CFAP54: variants seen among roughly 807,000 people sequenced by gnomAD.
CFAP54 encodes cilia and flagella associated protein 54.
CFAP54 carries 290 observed loss-of-function variants against 370.4 expected under a neutral mutation model. The observed-to-expected ratio is 0.78, with a 90% confidence interval of 0.71 to 0.86. The LOEUF is 0.86. Among genes scored for constraint, CFAP54 ranks in the 40% least tolerant of loss-of-function variants. CFAP54 has a pLI of 0.00. For synonymous variants in CFAP54, 1,206 were observed against 1,236.5 expected, an observed-to-expected ratio of 0.98 and a Z score of 0.52; for missense variants, 3,399 against 3,528.7, an observed-to-expected ratio of 0.96 and a Z score of 0.93.
chr12:96,757,462 C>T, intron 57 of CFAP54, 33 bp from the exon 58 acceptor site: 1 of 1,204,054 alleles, frequency 8.3e-7, no homozygotes, highest in South Asian at 1.4e-5. Flanking sequence ...CATGGTGAAG[C>T]TATTTAATAA....
intron 67 of CFAP54, among the ~76,000 whole-genome samples, chr12:96,864,999 C>G (rs865860731): frequency 6.6e-6 from 1 of 152,062 alleles, no homozygotes; most frequent in Non-Finnish European, 1.5e-5. Context: ...CTTGAACAAG[C>G]CCCTAATGGG....
chr12:96,825,893 A>G (rs1351284887), intron 65 of CFAP54, among the ~76,000 whole-genome samples: 1 of 138,916 alleles, frequency 7.2e-6, no homozygotes, highest in African/African-American at 2.6e-5. Context: ...ATATATTCAT[A>G]TATAACTATA....
intron 51 of CFAP54, among the ~76,000 whole-genome samples, chr12:96,740,771 G>A (rs1273797689): frequency 6.6e-6 from 1 of 152,142 alleles, no homozygotes; most frequent in Admixed American, 6.5e-5. Flanking sequence ...TTAGAATAAT[G>A]ATTGTCAATT....
intron 60 of CFAP54, among the ~76,000 whole-genome samples, chr12:96,784,171 T>G (rs1446354797): frequency 6.6e-6 from 1 of 152,246 alleles, no homozygotes; most frequent in Non-Finnish European, 1.5e-5. Context: ...TTCAGTTTTC[T>G]TAGATCTTGC....
At chr12:96,544,927 T>C (rs1407973234) in intron 14 of CFAP54, among the ~76,000 whole-genome samples, 1 of 151,782 alleles carries the variant, frequency 6.6e-6, no homozygotes, top group Non-Finnish European at 1.5e-5. Flanking sequence ...TTTTTTTCCC[T>C]TTGAGACGGA....
At chr12:96,664,771 CTATATCTATATATATATATA>C (rs1957054507) in intron 39 of CFAP54, among the ~76,000 whole-genome samples, 2 of 69,150 alleles carry the variant, frequency 2.9e-5, no homozygotes, top group Non-Finnish European at 5.6e-5. Context: ...ATATCTATAT[CTATATCTATATATATATATA>C]TATATATATA....
At chr12:96,823,404 G>C (rs1959054879) in intron 65 of CFAP54, among the ~76,000 whole-genome samples, 1 of 152,260 alleles carries the variant, frequency 6.6e-6, no homozygotes, top group Non-Finnish European at 1.5e-5. Context: ...TTCCTTAATA[G>C]TTTGTGAAAC....
At chr12:96,804,258 T>C (rs1254396413) in intron 63 of CFAP54, among the ~76,000 whole-genome samples, 2 of 152,162 alleles carry the variant, frequency 1.3e-5, no homozygotes, top group East Asian at 3.8e-4. Context: ...TCACCATTCT[T>C]ATTTAAGATA....
At chr12:96,859,510 AT>A (rs1959811132) in intron 66 of CFAP54, among the ~76,000 whole-genome samples, 1 of 152,104 alleles carries the variant, frequency 6.6e-6, no homozygotes, top group Admixed American at 6.5e-5. Context: ...GGCTCAAGCA[AT>A]TCTCCTGCCT....
At position 96,594,291 on chromosome 12, in the gene CFAP54, A is replaced by G; in HGVS notation, c.3361A>G (p.Ile1121Val). 6.6e-7 allele frequency: 1 copy of G among 1,506,802 alleles called. No individual in the cohort carries two copies. Among genetic ancestry groups the G allele is most frequent in the South Asian group, 1.3e-5 (1 of 78,892 alleles). The allele number at this position is 1,506,802 out of a possible 1,614,324, so 93.3% of individuals were successfully genotyped here. The change falls in exon 25 of 68, where the codon ATT becomes GTT. Residue 1121 changes from isoleucine (I) to valine (V), a missense_variant and splice_region_variant. Ile to Val is a conservative substitution (Grantham distance 29). Transcript: ENST00000524981. ...KGNEIFPSQQIARLIECERVL... is the reference protein window; with the variant it reads ...KGNEIFPSQQVARLIECERVL... ...AGTAACAATGCCTGTTTCTTTACAGATTGCCAGACTGATTGAATGTGAGAG... is the reference window on the plus strand; with the variant it reads ...AGTAACAATGCCTGTTTCTTTACAGGTTGCCAGACTGATTGAATGTGAGAG...
chr12:96,737,028 G>A (rs1177519023), intron 50 of CFAP54, among the ~76,000 whole-genome samples: 1 of 152,140 alleles, frequency 6.6e-6, no homozygotes, highest in Non-Finnish European at 1.5e-5. Flanking sequence ...TGGAAAATAG[G>A]GATGATAATA....
chr12:96,704,863 C>A, intron 47 of CFAP54, 67 bp downstream of exon 47: 2 of 550,042 alleles, frequency 3.6e-6, no homozygotes, highest in Non-Finnish European at 6.2e-6. Flanking sequence ...TCATTCTAAT[C>A]TATTTGGTTG....
chr12:96,592,536 C>CT lies in CFAP54; in HGVS notation c.3264dup (p.Leu1089SerfsTer2). 9.5e-7 allele frequency: 1 copy of CT among 1,051,100 alleles called. No homozygotes were observed. Among genetic ancestry groups the CT allele is most frequent in the Non-Finnish European group, 1.3e-6 (1 of 745,736 alleles). The allele number at this position is 1,051,100 out of a possible 1,614,324, so 65.1% of individuals were successfully genotyped here. On this transcript the variant is annotated frameshift_variant, in exon 24 of 68. Transcript: ENST00000524981. LOFTEE classifies it high-confidence loss of function. ...AGAGACTTCTTCAATCCTCTTGTAC[C>CT]TTTTTCTTAGAAATATTTTTGTAAC...
At chr12:96,857,301 C>A (rs1425627735) in intron 66 of CFAP54, among the ~76,000 whole-genome samples, 4 of 152,136 alleles carry the variant, frequency 2.6e-5, no homozygotes, top group African/African-American at 9.7e-5. Flanking sequence ...CACCTTCTAC[C>A]CTCAAGTAGA....
intron 25 of CFAP54, among the ~76,000 whole-genome samples, chr12:96,594,695 A>G (rs1238560168): frequency 6.6e-6 from 1 of 152,120 alleles, no homozygotes; most frequent in Non-Finnish European, 1.5e-5. Flanking sequence ...AATATTGGCA[A>G]TTTACCTTTC....
intron 60 of CFAP54, among the ~76,000 whole-genome samples, chr12:96,783,863 G>T (rs1958603659): frequency 6.6e-6 from 1 of 152,064 alleles, no homozygotes; most frequent in African/African-American, 2.4e-5. Flanking sequence ...TCCAGCCTGG[G>T]CAACAAAAGC....
intron 5 of CFAP54, among the ~76,000 whole-genome samples, chr12:96,515,912 G>GTTTTTTTT (rs71437221): frequency 2.4e-4 from 26 of 108,252 alleles, no homozygotes; most frequent in African/African-American, 5.2e-4. Context: ...TTACCTCTAT[G>GTTTTTTTT]TTTTTTTTTT....
At chr12:96,616,179 A>T (rs1374784883) in intron 26 of CFAP54, among the ~76,000 whole-genome samples, 2 of 152,234 alleles carry the variant, frequency 1.3e-5, no homozygotes, top group African/African-American at 4.8e-5. Flanking sequence ...AATACTATGT[A>T]GCCATAAAAA....
chr12:96,819,914 A>G (rs1164069681), intron 65 of CFAP54, among the ~76,000 whole-genome samples: 11 of 152,120 alleles, frequency 7.2e-5, no homozygotes, highest in Non-Finnish European at 1.5e-4. Flanking sequence ...CCTCCTTGTG[A>G]CACTTTTTGG....
Sources: allele counts gnomAD v4.1 joint callset (sites outside exome capture counted in the v4.1 genomes callset), GRCh38; gene constraint gnomAD v4.1.1; transcripts MANE v1.5; gene names NCBI Gene and HGNC (gene_info 2026-07-23, HGNC 2026-07-21).